The following SHISA9 variants were observed in gnomAD, a reference collection of about 807,000 sequenced individuals.
SHISA9 encodes the protein protein shisa-9.
In SHISA9, 13 loss-of-function variants were observed where a neutral mutation model predicts 38.0. The ratio of observed to expected loss-of-function variants is 0.34; its 90% CI spans 0.22 to 0.54. The LOEUF (loss-of-function observed/expected upper bound fraction) is 0.54, where lower values mean the gene tolerates loss of function less well. SHISA9 is among the 20% of genes least tolerant of loss of function. SHISA9 has a pLI of 0.91. For missense variants in SHISA9, 538 were observed against 575.8 expected (o/e 0.93, Z 0.67); for synonymous variants, 275 against 242.0 (o/e 1.14, Z -1.27).
intron 2 of SHISA9, among the ~76,000 whole-genome samples, chr16:13,123,684 G>C (rs1203549863): frequency 6.6e-6 from 1 of 152,166 alleles, no homozygotes; most frequent in Non-Finnish European, 1.5e-5. Flanking sequence ...TATAATTCTT[G>C]AACTACCTCT....
intron 2 of SHISA9, among the ~76,000 whole-genome samples, chr16:13,023,299 T>G (rs1025619830): frequency 3.0e-4 from 45 of 152,212 alleles, no homozygotes; most frequent in Non-Finnish European, 6.0e-4. Context: ...GATAATTTGC[T>G]GAGAATCATG....
the SHISA9 span, among the ~76,000 whole-genome samples, chr16:13,365,977 T>C: frequency 6.6e-6 from 1 of 152,104 alleles, no homozygotes; most frequent in Non-Finnish European, 1.5e-5. Context: ...CTTCATCTCA[T>C]AGAAAATAAA....
the SHISA9 span, among the ~76,000 whole-genome samples, chr16:13,342,621 C>G: frequency 6.6e-6 from 1 of 152,176 alleles, no homozygotes; most frequent in Non-Finnish European, 1.5e-5. Flanking sequence ...ATCCTTTGAT[C>G]TTTAAGGCAA....
chr16:12,967,895 A>C (rs2072000767), intron 2 of SHISA9, among the ~76,000 whole-genome samples: 1 of 152,164 alleles, frequency 6.6e-6, no homozygotes, highest in African/African-American at 2.4e-5. Flanking sequence ...ATCTTTAAAA[A>C]ATTCCAGAGC....
At chr16:13,461,621 TA>T in the SHISA9 span, among the ~76,000 whole-genome samples, 3 of 124,002 alleles carry the variant, frequency 2.4e-5, no homozygotes, top group Middle Eastern at 3.9e-3. Context: ...TTTTTTTTTT[TA>T]ATTTTTTTTT....
chr16:13,474,129 T>A, the SHISA9 span: 3 of 152,216 alleles, frequency 2.0e-5, no homozygotes, highest in African/African-American at 7.2e-5. Flanking sequence ...CTTGCCTGTT[T>A]AAATCATTTT....
intron 3 of SHISA9, among the ~76,000 whole-genome samples, chr16:13,203,854 T>C (rs967060786): frequency 6.6e-6 from 1 of 152,138 alleles, no homozygotes; most frequent in African/African-American, 2.4e-5. Flanking sequence ...GTATTATCTA[T>C]CTGTCTGTCC....
chr16:13,279,893 G>A, the SHISA9 span, among the ~76,000 whole-genome samples: 1 of 151,752 alleles, frequency 6.6e-6, no homozygotes, highest in Non-Finnish European at 1.5e-5. Context: ...ATTCAATTTT[G>A]TTAGGATGTA....
chr16:12,902,982 A>G (rs1042145404), intron 1 of SHISA9: 9 of 239,522 alleles, frequency 3.8e-5, no homozygotes, highest in Non-Finnish European at 6.4e-5. Flanking sequence ...GAGAGGGTCC[A>G]TGGCACCCCT....
intron 2 of SHISA9, among the ~76,000 whole-genome samples, chr16:13,083,265 G>C (rs573546705): frequency 2.0e-5 from 3 of 152,304 alleles, no homozygotes; most frequent in Non-Finnish European, 2.9e-5. Flanking sequence ...TAAGATTCAG[G>C]CTTGAACAAG....
chr16:13,250,025 C>T, the SHISA9 span, among the ~76,000 whole-genome samples: 1 of 152,198 alleles, frequency 6.6e-6, no homozygotes, highest in African/African-American at 2.4e-5. Context: ...TGTGCCACCA[C>T]ACCTGGCCAC....
the SHISA9 span, among the ~76,000 whole-genome samples, chr16:13,442,910 A>T: frequency 2.6e-5 from 4 of 152,366 alleles, no homozygotes; most frequent in South Asian, 8.3e-4. Flanking sequence ...ATTAATAGTT[A>T]AAAGAAAACA....
intron 4 of SHISA9, among the ~76,000 whole-genome samples, chr16:13,223,233 C>T (rs1181379147): frequency 6.6e-6 from 1 of 151,922 alleles, no homozygotes. Flanking sequence ...TTGAGACAGG[C>T]CTGGACAACA....
the SHISA9 span, among the ~76,000 whole-genome samples, chr16:13,293,125 A>C: frequency 1.3e-5 from 2 of 152,204 alleles, no homozygotes; most frequent in African/African-American, 2.4e-5. Flanking sequence ...CATATTACCC[A>C]GGATTAAAAT....
chr16:13,204,626 C>T (rs550875102), intron 3 of SHISA9, among the ~76,000 whole-genome samples: 28 of 152,232 alleles, frequency 1.8e-4, no homozygotes, highest in Non-Finnish European at 3.7e-4. Flanking sequence ...TTCTGCTCTT[C>T]AGGATTTAAG....
Position 13,202,257 on chromosome 16 carries a change from G to C in SHISA9, c.692-1137G>C, listed in dbSNP as rs1051906372. Among the ~76,000 whole-genome samples the C allele has an allele frequency of 2.3e-5, 3 of 130,192 alleles. 1 individual carries two copies. Among genetic ancestry groups the C allele is most frequent in the African/African-American group, 9.2e-5 (3 of 32,550 alleles). 85.4% of individuals were successfully genotyped at this position (130,192 alleles called of 152,430 possible). A position where few individuals can be genotyped will look rare whatever the true frequency, so the allele number is the denominator to read the frequency against. On this transcript the variant is annotated intron_variant, in intron 2 of 4. Transcript: ENST00000558583. ...AGAGGGCAATTCCTTCCGTTGCTGAGCATGTTGGGTTCCATCCAGCTCCAC... is the reference window on the plus strand; with the variant it reads ...AGAGGGCAATTCCTTCCGTTGCTGACCATGTTGGGTTCCATCCAGCTCCAC...
At chr16:13,411,861 A>G in the SHISA9 span, among the ~76,000 whole-genome samples, 1 of 152,224 alleles carries the variant, frequency 6.6e-6, no homozygotes, top group Non-Finnish European at 1.5e-5. Flanking sequence ...TTGCTACCAG[A>G]AAGAGGAAGA....
rs2051396608 is a variant in SHISA9 at position 13,237,471 on chromosome 16, T to G, written c.*2062T>G. On this transcript the variant is annotated 3_prime_UTR_variant, in exon 5 of 5. Transcript: ENST00000558583. ...TGAGGTCAGGAGTTTGAGATCAGCC[T>G]GGTCAACATGGTGAAACCCCGTCTC... The G allele has an allele frequency of 6.6e-6, 1 of 152,032 alleles. No individual in the cohort carries two copies. The allele number at this position is 152,032 out of a possible 1,614,324, so 9.4% of individuals were successfully genotyped here.
At chr16:13,026,724 A>G (rs1280175230) in intron 2 of SHISA9, among the ~76,000 whole-genome samples, 2 of 152,122 alleles carry the variant, frequency 1.3e-5, no homozygotes, top group Admixed American at 6.5e-5. Flanking sequence ...TACTTTTCCT[A>G]CCTGTAAATG....
Sources: gnomAD v4.1 joint callset for allele counts (sites outside exome capture counted in the v4.1 genomes callset) on GRCh38, gnomAD v4.1.1 for gene constraint, MANE v1.5 for transcripts, NCBI Gene and HGNC (gene_info 2026-07-23, HGNC 2026-07-21) for gene names.